Variants in ARSJ observed in about 807,000 individuals in gnomAD.
ARSJ encodes the protein arylsulfatase family member J.
Under a neutral mutation model 35.9 loss-of-function variants are expected in ARSJ, and 26 were observed. The observed-to-expected ratio is 0.72, with a 90% confidence interval of 0.53 to 1.00. The LOEUF (loss-of-function observed/expected upper bound fraction) is 1.00, where lower values mean the gene tolerates loss of function less well. Ranked by LOEUF, ARSJ falls within the 50% of genes least tolerant of loss-of-function variation. The probability of loss-of-function intolerance (pLI) is 0.00; values close to 1 mark genes in which losing one functional copy is unlikely to be tolerated. For synonymous variants in ARSJ, 294 were observed against 267.6 expected (o/e 1.10, Z -0.96); for missense variants, 667 against 723.6 (o/e 0.92, Z 0.90).
At chr4:113,961,863 G>C (rs1408535071) in intron 1 of ARSJ, among the ~76,000 whole-genome samples, 1 of 151,018 alleles carries the variant, frequency 6.6e-6, no homozygotes, top group African/African-American at 2.4e-5. Context: ...GGAAAAACAT[G>C]TATGTGTGCC....
chr4:113,913,245 C>A (rs1046574737), intron 1 of ARSJ, among the ~76,000 whole-genome samples: 1 of 152,186 alleles, frequency 6.6e-6, no homozygotes, highest in African/African-American at 2.4e-5. Flanking sequence ...AATTGCCTTA[C>A]TCATCCACTG....
chr4:113,960,738 T>C (rs1477195539), intron 1 of ARSJ, among the ~76,000 whole-genome samples: 1 of 152,078 alleles, frequency 6.6e-6, no homozygotes, highest in African/African-American at 2.4e-5. Context: ...ATTAAGTCAG[T>C]AACTTATTTT....
chr4:113,929,389 A>G (rs1160950301), intron 1 of ARSJ, among the ~76,000 whole-genome samples: 1 of 152,084 alleles, frequency 6.6e-6, no homozygotes, highest in African/African-American at 2.4e-5. Flanking sequence ...CACAGGGTTT[A>G]TCTCCTCAGA....
intron 1 of ARSJ, among the ~76,000 whole-genome samples, chr4:113,922,995 CCT>C (rs1723778983): frequency 6.6e-6 from 1 of 152,014 alleles, no homozygotes; most frequent in African/African-American, 2.4e-5. Context: ...TATGGATGGG[CCT>C]CTCTGAATTA....
Position 113,949,577 on chromosome 4 carries a change from T to C in ARSJ, c.398+28860A>G, listed in dbSNP as rs890271033. ...CCAGTGAACAAGGACTAGCCTTTCA[T>C]CATTCCATAGGTATTTACTGATGGC... On this transcript the variant is annotated intron_variant, in intron 1 of 1. Coordinates refer to ENST00000315366, the MANE Select transcript of ARSJ (RefSeq NM_024590.4). Among the ~76,000 whole-genome samples the C allele has an allele frequency of 2.6e-5, 4 of 152,184 alleles. No individual in the cohort carries two copies. In the South Asian group the frequency reaches 6.2e-4, roughly 24 times the overall value.
chr4:113,924,792 G>A (rs1204389263), intron 1 of ARSJ, among the ~76,000 whole-genome samples: 1 of 152,108 alleles, frequency 6.6e-6, no homozygotes, highest in Admixed American at 6.5e-5. Flanking sequence ...AACAAAAGAG[G>A]GAGGAAATAC....
At chr4:113,924,751 A>C (rs187090465) in intron 1 of ARSJ, among the ~76,000 whole-genome samples, 2 of 152,226 alleles carry the variant, frequency 1.3e-5, no homozygotes, top group Non-Finnish European at 2.9e-5. Flanking sequence ...TTTTCTTAGC[A>C]TAAGTGTTAT....
chr4:113,909,887 C>G (rs74626556), intron 1 of ARSJ, among the ~76,000 whole-genome samples: 2,453 of 152,112 alleles, frequency 0.016, 68 homozygotes, highest in African/African-American at 0.055. Flanking sequence ...TTCACAGTAC[C>G]AAGTTTATAA....
chr4:113,973,105 A>G (rs1309403697), intron 1 of ARSJ, among the ~76,000 whole-genome samples: 1 of 152,050 alleles, frequency 6.6e-6, no homozygotes, highest in Non-Finnish European at 1.5e-5. Context: ...TTTTATTCTC[A>G]GTGATTTCTC....
intron 1 of ARSJ, among the ~76,000 whole-genome samples, chr4:113,962,639 C>T (rs574289862): frequency 3.3e-5 from 5 of 152,136 alleles, no homozygotes; most frequent in Middle Eastern, 3.4e-3. Context: ...ACCCCTCCCT[C>T]TGTCCCATGA....
intron 1 of ARSJ, among the ~76,000 whole-genome samples, chr4:113,906,147 C>T (rs1311912708): frequency 6.6e-6 from 1 of 151,986 alleles, no homozygotes; most frequent in Non-Finnish European, 1.5e-5. Context: ...AAAAGGGAAA[C>T]ATCTATACGG....
At chr4:113,964,717 C>T (rs980224710) in intron 1 of ARSJ, among the ~76,000 whole-genome samples, 3 of 151,976 alleles carry the variant, frequency 2.0e-5, no homozygotes, top group East Asian at 3.9e-4. Flanking sequence ...AAAACTCTAC[C>T]GCAGTGTTAT....
chr4:113,915,825 A>C (rs1362464744), intron 1 of ARSJ, among the ~76,000 whole-genome samples: 1 of 152,166 alleles, frequency 6.6e-6, no homozygotes, highest in Non-Finnish European at 1.5e-5. Context: ...GATGGTCTGC[A>C]CTCTTTCTAC....
intron 1 of ARSJ, among the ~76,000 whole-genome samples, chr4:113,907,761 A>G (rs911476123): frequency 1.3e-5 from 2 of 152,236 alleles, no homozygotes; most frequent in African/African-American, 2.4e-5. Context: ...ACAGCCATAA[A>G]AAAGAACAAA....
At chr4:113,943,890 G>A (rs1490132734) in intron 1 of ARSJ, among the ~76,000 whole-genome samples, 1 of 152,050 alleles carries the variant, frequency 6.6e-6, no homozygotes, top group Non-Finnish European at 1.5e-5. Flanking sequence ...GGCCAGGGAG[G>A]TAGGCAGGCA....
intron 1 of ARSJ, among the ~76,000 whole-genome samples, chr4:113,973,288 ATTATCTATG>A (rs1283101650): frequency 6.6e-6 from 1 of 152,124 alleles, no homozygotes; most frequent in Admixed American, 6.5e-5. Flanking sequence ...CCCAATCACT[ATTATCTATG>A]TTTTCAACTT....
chr4:113,910,613 A>G (rs970143150), intron 1 of ARSJ, among the ~76,000 whole-genome samples: 56 of 152,184 alleles, frequency 3.7e-4, no homozygotes, highest in African/African-American at 1.3e-3. Flanking sequence ...TTGTCTATAA[A>G]TAAATTCTAT....
At chr4:113,922,610 C>T (rs1171308652) in intron 1 of ARSJ, among the ~76,000 whole-genome samples, 1 of 152,124 alleles carries the variant, frequency 6.6e-6, no homozygotes, top group Non-Finnish European at 1.5e-5. Context: ...TTTACTTATA[C>T]ATTACAGAAA....
intron 1 of ARSJ, among the ~76,000 whole-genome samples, chr4:113,919,836 C>T (rs527633304): frequency 2.0e-5 from 3 of 152,186 alleles, no homozygotes; most frequent in South Asian, 2.1e-4. Context: ...CTGAAAGATG[C>T]GTAAATGCAG....
Sources: allele counts gnomAD v4.1 joint callset (sites outside exome capture counted in the v4.1 genomes callset), GRCh38; gene constraint gnomAD v4.1.1; transcripts MANE v1.5; gene names NCBI Gene and HGNC (gene_info 2026-07-23, HGNC 2026-07-21).